ZNF148: variants seen among roughly 807,000 people sequenced by gnomAD.
ZNF148 encodes zinc finger protein 148.
Under a neutral mutation model 67.7 loss-of-function variants are expected in ZNF148, and 7 were observed. The ratio of observed to expected loss-of-function variants is 0.10; its 90% confidence interval spans 0.06 to 0.19. The LOEUF (loss-of-function observed/expected upper bound fraction) is 0.19, where lower values mean the gene tolerates loss of function less well. Among genes scored for constraint, ZNF148 ranks in the 10% least tolerant of loss-of-function variants. The pLI is 1.00. For missense variants in ZNF148, 583 were observed against 947.1 expected, an observed-to-expected ratio of 0.62 and a Z score of 5.05; for synonymous variants, 333 against 330.7, an observed-to-expected ratio of 1.01 and a Z score of -0.08.
chr3:125,314,025 T>A (rs1366932026), intron 3 of ZNF148, among the ~76,000 whole-genome samples: 2 of 151,986 alleles, frequency 1.3e-5, no homozygotes, highest in African/African-American at 4.8e-5. Flanking sequence ...AGGAATAAAC[T>A]GACAGAACAT....
chr3:125,266,341 A>G (rs1009814973), intron 7 of ZNF148, among the ~76,000 whole-genome samples: 5 of 152,166 alleles, frequency 3.3e-5, no homozygotes, highest in African/African-American at 1.2e-4. Flanking sequence ...AAGTCTCAAT[A>G]AATTCAAAAA....
chr3:125,304,482 G>A (rs755417221), intron 4 of ZNF148, among the ~76,000 whole-genome samples: 2 of 152,096 alleles, frequency 1.3e-5, no homozygotes, highest in Non-Finnish European at 2.9e-5. Context: ...AGGTATCCAC[G>A]CAGGGCAGGG....
rs1943036498 is a variant in ZNF148, at chr3:125,375,291, TCTTCCTCCTCCCAGA to T, written c.-438_-424del. 1 of 154,132 alleles carries T rather than the reference TCTTCCTCCTCCCAGA, an allele frequency of 6.5e-6. No individual in the cohort carries two copies. Among genetic ancestry groups the T allele is most frequent in the Non-Finnish European group, 1.4e-5 (1 of 69,432 alleles). The allele number at this position is 154,132 out of a possible 1,614,324, so 9.5% of individuals were successfully genotyped here. A position where few individuals can be genotyped will look rare whatever the true frequency, so the allele number is the denominator to read the frequency against. On this transcript the variant is annotated 5_prime_UTR_variant, in exon 1 of 9. Transcript: ENST00000360647. Reference sequence around the variant, plus strand: ...CTCCTCCTCCTCCTCTTCCTCCTTCTCTTCCTCCTCCCAGAGCAGTAGAGACGCAGACATGCCGCA... The same window carrying T: ...CTCCTCCTCCTCCTCTTCCTCCTTCTGCAGTAGAGACGCAGACATGCCGCA...
intron 7 of ZNF148, among the ~76,000 whole-genome samples, chr3:125,235,275 G>A (rs987231301): frequency 1.3e-5 from 2 of 152,036 alleles, no homozygotes; most frequent in African/African-American, 4.8e-5. Flanking sequence ...TAACATAATT[G>A]GGAAAACAAG....
chr3:125,334,631 A>G (rs1941417111), intron 1 of ZNF148, among the ~76,000 whole-genome samples: 1 of 152,198 alleles, frequency 6.6e-6, no homozygotes, highest in African/African-American at 2.4e-5. Context: ...CAACAAACCT[A>G]TGAGATAGTA....
At chr3:125,246,148 G>C (rs1389886797) in intron 7 of ZNF148, among the ~76,000 whole-genome samples, 1 of 152,114 alleles carries the variant, frequency 6.6e-6, no homozygotes, top group Non-Finnish European at 1.5e-5. Context: ...GGTATCCACT[G>C]TTGTATTAAT....
At chr3:125,316,196 C>T (rs1940484918) in intron 3 of ZNF148, among the ~76,000 whole-genome samples, 1 of 152,220 alleles carries the variant, frequency 6.6e-6, no homozygotes, top group Non-Finnish European at 1.5e-5. Context: ...TTCTTTATGG[C>T]TGAATACTAC....
chr3:125,344,413 G>A (rs1941859935), intron 1 of ZNF148: 2 of 727,920 alleles, frequency 2.7e-6, no homozygotes, highest in East Asian at 2.5e-5. Context: ...CCTCCTCAGG[G>A]ACCCCATTCC....
rs202081671 is a variant in ZNF148, at chr3:125,308,526, TA to T, written c.333+4781del. 1.3e-3 allele frequency among the ~76,000 whole-genome samples: 53 copies of T among 40,482 alleles called. 1 individual carries two copies. Among genetic ancestry groups the T allele is most frequent in the South Asian group, 4.0e-3 (7 of 1,762 alleles). The allele number at this position is 40,482 out of a possible 152,430, so 26.6% of individuals were successfully genotyped here. ...CAATCAGAATCAGTTGACTTTTCTATAAAAAAAAAAAAAACAAAAACCTAAA... is the reference window on the plus strand; with the variant it reads ...CAATCAGAATCAGTTGACTTTTCTATAAAAAAAAAAAAACAAAAACCTAAA... On this transcript the variant is annotated intron_variant, in intron 4 of 8. Transcript: ENST00000360647.
rs976672839 is a variant in ZNF148, at chr3:125,313,667, A to G, written c.-16-11T>C. 3.8e-6 allele frequency: 6 copies of G among 1,578,106 alleles called. No individual in the cohort carries two copies. The highest frequency in any genetic ancestry group is 5.2e-6 in the Non-Finnish European group (6 of 1,156,388). On this transcript the variant is annotated splice_polypyrimidine_tract_variant and intron_variant, in intron 3 of 8. Coordinates refer to ENST00000360647, the MANE Select transcript of ZNF148 (RefSeq NM_021964.3). Reference sequence around the variant, plus strand: ...CTTAAGTATAACTGCCTAGAAAACCAAGTTTGGCAACAAAACATAGTAAAT... The same window carrying G: ...CTTAAGTATAACTGCCTAGAAAACCGAGTTTGGCAACAAAACATAGTAAAT...
chr3:125,279,260 A>AAAG lies in ZNF148; in HGVS notation c.460-14_460-13insCTT. On this transcript the variant is annotated splice_polypyrimidine_tract_variant and intron_variant, in intron 5 of 8. Coordinates refer to ENST00000360647, the MANE Select transcript of ZNF148 (RefSeq NM_021964.3). The stretch of plus-strand genomic sequence containing the variant: ...TTATTGTAAGGATCTAGTTCAAAAA[A>AAAG]AAAAAGGCAAAAACAAAAGAAATAA... 6.6e-7 allele frequency: 1 copy of AAAG among 1,521,530 alleles called. No homozygotes were observed. Among genetic ancestry groups the AAAG allele is most frequent in the Non-Finnish European group, 8.8e-7 (1 of 1,136,438 alleles). 94.3% of individuals were successfully genotyped at this position (1,521,530 alleles called of 1,614,324 possible). A position where few individuals can be genotyped will look rare whatever the true frequency, so the allele number is the denominator to read the frequency against.
At chr3:125,301,874 G>A (rs2107651003) in intron 4 of ZNF148, among the ~76,000 whole-genome samples, 1 of 152,184 alleles carries the variant, frequency 6.6e-6, no homozygotes, top group Admixed American at 6.5e-5. Flanking sequence ...GACCAGCCTG[G>A]CCAACATGGT....
intron 3 of ZNF148, 36 bp downstream of exon 3, chr3:125,323,273 T>G: frequency 1.9e-6 from 1 of 514,594 alleles, no homozygotes; most frequent in Non-Finnish European, 3.4e-6. Context: ...AAAAACTTAT[T>G]TATTCAAGAT....
At chr3:125,349,097 T>G (rs922432988) in intron 1 of ZNF148, among the ~76,000 whole-genome samples, 3 of 152,092 alleles carry the variant, frequency 2.0e-5, no homozygotes, top group Admixed American at 6.5e-5. Context: ...CAAAATAGAT[T>G]AGAAACTTTA....
intron 7 of ZNF148, among the ~76,000 whole-genome samples, chr3:125,242,258 T>C (rs1417063428): frequency 6.6e-6 from 1 of 152,202 alleles, no homozygotes; most frequent in Non-Finnish European, 1.5e-5. Flanking sequence ...AGAAAAGACT[T>C]CTCCACTCCG....
intron 5 of ZNF148, among the ~76,000 whole-genome samples, chr3:125,279,806 TA>T (rs1938281095): frequency 6.6e-6 from 1 of 151,706 alleles, no homozygotes; most frequent in Non-Finnish European, 1.5e-5. Flanking sequence ...CTTTTGTATA[TA>T]AAAGGTACAT....
chr3:125,281,888 G>A (rs769425594), intron 5 of ZNF148, among the ~76,000 whole-genome samples: 5 of 152,102 alleles, frequency 3.3e-5, no homozygotes, highest in East Asian at 3.9e-4. Context: ...TGACTCAGAT[G>A]AGCATCAATG....
At chr3:125,340,830 C>CA (rs908795077) in intron 1 of ZNF148, among the ~76,000 whole-genome samples, 9 of 150,342 alleles carry the variant, frequency 6.0e-5, no homozygotes, top group South Asian at 2.1e-4. Context: ...ACTAAAAATA[C>CA]AAAAAAAATT....
chr3:125,317,171 G>C (rs903571069), intron 3 of ZNF148, among the ~76,000 whole-genome samples: 10 of 152,048 alleles, frequency 6.6e-5, no homozygotes, highest in Admixed American at 3.9e-4. Flanking sequence ...CATATATTTG[G>C]AGTTAAACTG....
Sources: allele counts gnomAD v4.1 joint callset (sites outside exome capture counted in the v4.1 genomes callset), GRCh38; gene constraint gnomAD v4.1.1; transcripts MANE v1.5; gene names NCBI Gene and HGNC (gene_info 2026-07-23, HGNC 2026-07-21).